The following FBXO4 variants were observed in gnomAD, a reference collection of about 807,000 sequenced individuals.
FBXO4 encodes F-box only protein 4.
In FBXO4, 36 loss-of-function variants were observed where a neutral mutation model predicts 43.7. That is an observed-to-expected ratio of 0.82 (90% CI 0.63 to 1.09). FBXO4 has a LOEUF of 1.09. Ranked by LOEUF, FBXO4 falls within the 50% of genes least tolerant of loss-of-function variation. FBXO4 has a pLI of 0.00. For missense variants in FBXO4, 435 were observed against 474.1 expected (o/e 0.92, Z 0.77); for synonymous variants, 180 against 165.6 (o/e 1.09, Z -0.67).
At chr5:41,925,521 G>A in intron 1 of FBXO4, 23 bp downstream of exon 1, 7 of 1,302,830 alleles carry the variant, frequency 5.4e-6, no homozygotes, top group Non-Finnish European at 6.9e-6. Flanking sequence ...CGCAGGCCGC[G>A]GAGGACAGTG....
chr5:41,929,685 A>G lies in FBXO4; in HGVS notation c.426-12A>G. The stretch of plus-strand genomic sequence containing the variant: ...TCTGTGTTAATGTTCTAATTGTGAC[A>G]ATTTTTTACAGCTATAGAATGTGCT... On this transcript the variant is annotated splice_polypyrimidine_tract_variant and intron_variant, in intron 2 of 6. Coordinates refer to ENST00000281623, the MANE Select transcript of FBXO4 (RefSeq NM_012176.3). 6.4e-7 allele frequency: 1 copy of G among 1,564,050 alleles called. No individual in the cohort carries two copies. Among genetic ancestry groups the G allele is most frequent in the Non-Finnish European group, 8.6e-7 (1 of 1,159,326 alleles).
At chr5:42,019,272 T>C in the FBXO4 span, among the ~76,000 whole-genome samples, 1 of 152,250 alleles carries the variant, frequency 6.6e-6, no homozygotes, top group African/African-American at 2.4e-5. Flanking sequence ...AAAGGAGGAA[T>C]GTAAAATAAC....
Position 41,929,702 on chromosome 5 carries a change from G to A in FBXO4, c.431G>A (p.Arg144Lys), listed in dbSNP as rs765439228. 3 of 1,599,460 alleles carry A rather than the reference G, an allele frequency of 1.9e-6. No individual in the cohort carries two copies. Among genetic ancestry groups the A allele is most frequent in the Non-Finnish European group, 2.6e-6 (3 of 1,174,686 alleles). Residue 144 changes from arginine to lysine, a missense_variant, in exon 3 of 7, where the codon AGA becomes AAA. Arg to Lys is a conservative substitution (Grantham distance 26). Transcript: ENST00000281623. ...ATTGTGACAATTTTTTACAGCTATA[G>A]AATGTGCTGTCCATACACAAGAAGA... ...GAFFDYMAVY[R>K]MCCPYTRRAS...
At chr5:42,034,915 T>A in the FBXO4 span, among the ~76,000 whole-genome samples, 1 of 152,166 alleles carries the variant, frequency 6.6e-6, no homozygotes, top group African/African-American at 2.4e-5. Context: ...TCAATCGTAG[T>A]TTAATGGGAA....
intron 5 of FBXO4, chr5:41,939,183 AT>A (rs1404475571): frequency 3.2e-6 from 1 of 312,068 alleles, no homozygotes; most frequent in African/African-American, 2.1e-5. Flanking sequence ...AAACTCTACT[AT>A]ATGCCTACAT....
At chr5:41,976,000 A>T in the FBXO4 span, among the ~76,000 whole-genome samples, 1,784 of 152,184 alleles carry the variant, frequency 0.012, 39 homozygotes, top group African/African-American at 0.041. Context: ...TGAGAGTGGG[A>T]GCAAGAAAGA....
At chr5:42,006,574 AT>A in the FBXO4 span, among the ~76,000 whole-genome samples, 1 of 151,938 alleles carries the variant, frequency 6.6e-6, no homozygotes, top group Non-Finnish European at 1.5e-5. Context: ...TAAAAAGTCA[AT>A]TTTTTGTCTA....
At chr5:41,965,008 T>G in the FBXO4 span, among the ~76,000 whole-genome samples, 1 of 152,258 alleles carries the variant, frequency 6.6e-6, no homozygotes, top group Non-Finnish European at 1.5e-5. Context: ...AGGGTTTTTA[T>G]GGTTTTAGGT....
the FBXO4 span, among the ~76,000 whole-genome samples, chr5:41,976,850 T>C: frequency 6.6e-6 from 1 of 152,232 alleles, no homozygotes; most frequent in African/African-American, 2.4e-5. Flanking sequence ...CACACGGCCC[T>C]AGTAGAAATT....
the FBXO4 span, among the ~76,000 whole-genome samples, chr5:42,040,247 A>C: frequency 1.3e-5 from 2 of 152,060 alleles, no homozygotes; most frequent in Admixed American, 6.6e-5. Context: ...CAAATAATTT[A>C]ATATGTGTGT....
At chr5:42,015,913 T>C in the FBXO4 span, among the ~76,000 whole-genome samples, 4 of 152,026 alleles carry the variant, frequency 2.6e-5, no homozygotes. Context: ...TCCCTCAAAG[T>C]AATGGCACAA....
the FBXO4 span, among the ~76,000 whole-genome samples, chr5:41,987,437 G>A: frequency 6.6e-6 from 1 of 151,836 alleles, no homozygotes; most frequent in Non-Finnish European, 1.5e-5. Context: ...TTTCAGTTGG[G>A]GTGTTCTCAA....
chr5:41,998,485 C>T, the FBXO4 span, among the ~76,000 whole-genome samples: 1 of 152,170 alleles, frequency 6.6e-6, no homozygotes, highest in African/African-American at 2.4e-5. Context: ...CAGGCATTTC[C>T]AGCTAGCTCA....
At chr5:42,034,893 C>T in the FBXO4 span, among the ~76,000 whole-genome samples, 1 of 151,956 alleles carries the variant, frequency 6.6e-6, no homozygotes, top group African/African-American at 2.4e-5. Flanking sequence ...TTTTCTAATG[C>T]TGTGAAGAAT....
At chr5:42,013,494 C>T in the FBXO4 span, among the ~76,000 whole-genome samples, 1 of 152,114 alleles carries the variant, frequency 6.6e-6, no homozygotes, top group African/African-American at 2.4e-5. Context: ...AGGAGAAAAC[C>T]TGGATTCTAT....
At chr5:42,012,912 A>T in the FBXO4 span, among the ~76,000 whole-genome samples, 1 of 152,184 alleles carries the variant, frequency 6.6e-6, no homozygotes, top group Non-Finnish European at 1.5e-5. Flanking sequence ...AGCAGAAGAG[A>T]AGAACAGCAA....
the FBXO4 span, among the ~76,000 whole-genome samples, chr5:41,972,730 T>C: frequency 6.6e-6 from 1 of 151,914 alleles, no homozygotes; most frequent in East Asian, 1.9e-4. Flanking sequence ...AATAGACACA[T>C]AAAACCAATG....
At chr5:41,933,512 C>T (rs1057103449) in intron 3 of FBXO4, among the ~76,000 whole-genome samples, 1 of 152,164 alleles carries the variant, frequency 6.6e-6, no homozygotes. Context: ...GCCACTGTGC[C>T]TGCCCCCCCC....
At chr5:41,945,586 C>A (rs1048968307), downstream of FBXO4, among the ~76,000 whole-genome samples, 2 of 152,156 alleles carry the variant, frequency 1.3e-5, no homozygotes, top group African/African-American at 4.8e-5. Context: ...AATGGACATG[C>A]AGTCAGGGAG....
Sources: gnomAD v4.1 joint callset for allele counts (sites outside exome capture counted in the v4.1 genomes callset) on GRCh38, gnomAD v4.1.1 for gene constraint, MANE v1.5 for transcripts, NCBI Gene and HGNC (gene_info 2026-07-23, HGNC 2026-07-21) for gene names.